Variants in RGS5 observed in about 807,000 individuals in gnomAD.
RGS5 encodes the protein regulator of G protein signaling 5.
A neutral mutation model predicts 18.9 loss-of-function variants in RGS5; 20 were observed. The ratio of observed to expected loss-of-function variants is 1.06; its 90% CI spans 0.74 to 1.54. RGS5 has a LOEUF of 1.54. RGS5 is among the 40% of genes most tolerant of loss of function. The pLI is 0.00. For missense variants in RGS5, 201 were observed against 211.8 expected, an observed-to-expected ratio of 0.95 and a Z score of 0.32; for synonymous variants, 57 against 76.2, an observed-to-expected ratio of 0.75 and a Z score of 1.31.
intron 1 of RGS5, among the ~76,000 whole-genome samples, chr1:163,317,698 T>G (rs1650064200): frequency 6.6e-6 from 1 of 152,216 alleles, no homozygotes; most frequent in African/African-American, 2.4e-5. Flanking sequence ...ATCTGGTCCC[T>G]GTTTACCTCT....
chr1:163,201,026 A>C (rs1162881456), intron 1 of RGS5, among the ~76,000 whole-genome samples: 2 of 152,216 alleles, frequency 1.3e-5, no homozygotes, highest in African/African-American at 4.8e-5. Flanking sequence ...TTCAACAGAA[A>C]TTTTATTGAT....
rs778961275 is a variant in RGS5, at chr1:163,172,575, C to A, written c.45-4207G>T. ...TAACATACCAGAACATCAGGTTACT[C>A]TTTTCCTCATATTTGCCCTGGAAAT... On this transcript the variant is annotated intron_variant, in intron 1 of 4. Transcript: ENST00000313961. 6 of 1,549,954 alleles carry A rather than the reference C, an allele frequency of 3.9e-6. No homozygotes were observed. In the South Asian group the frequency reaches 7.1e-5, roughly 18 times the overall value.
upstream of RGS5, among the ~76,000 whole-genome samples, chr1:163,204,309 C>CCACACACACACACACACACA (rs10616125): frequency 6.9e-6 from 1 of 145,002 alleles, no homozygotes; most frequent in African/African-American, 2.5e-5. Context: ...TGGCTCTAAA[C>CCACACACACACACACACACA]CACACACACA....
At chr1:163,197,890 T>C (rs2101656328) in intron 1 of RGS5, among the ~76,000 whole-genome samples, 1 of 152,296 alleles carries the variant, frequency 6.6e-6, no homozygotes, top group African/African-American at 2.4e-5. Flanking sequence ...TTCAAGCTAA[T>C]TGCCAGTCTT....
intron 2 of RGS5, chr1:163,304,763 T>C (rs1203611580): frequency 6.6e-6 from 1 of 152,222 alleles, no homozygotes; most frequent in African/African-American, 2.4e-5. Flanking sequence ...TCCCTAGATG[T>C]TTAATAGTCA....
intron 2 of RGS5, among the ~76,000 whole-genome samples, chr1:163,250,107 C>T (rs192270521): frequency 5.5e-4 from 84 of 152,260 alleles, no homozygotes; most frequent in Admixed American, 4.8e-3. Context: ...CACAAGGCCC[C>T]GAAGATGACC....
chr1:163,184,018 A>G (rs1013900506), intron 1 of RGS5, among the ~76,000 whole-genome samples: 12 of 152,146 alleles, frequency 7.9e-5, no homozygotes, highest in Non-Finnish European at 1.6e-4. Context: ...TTTCCTCCCA[A>G]TGAGCAATGC....
intron 2 of RGS5, among the ~76,000 whole-genome samples, chr1:163,245,785 T>C (rs1647913389): frequency 6.6e-6 from 1 of 152,238 alleles, no homozygotes; most frequent in Non-Finnish European, 1.5e-5. Flanking sequence ...ACTTGATCCA[T>C]TGTGTGTGCT....
chr1:163,195,778 C>T (rs1447229365), intron 1 of RGS5, among the ~76,000 whole-genome samples: 1 of 151,428 alleles, frequency 6.6e-6, no homozygotes, highest in East Asian at 1.9e-4. Context: ...TCCTTCACTG[C>T]CTACAAAGGG....
intron 2 of RGS5, among the ~76,000 whole-genome samples, chr1:163,237,043 A>C (rs1647640647): frequency 6.6e-6 from 1 of 152,218 alleles, no homozygotes; most frequent in Non-Finnish European, 1.5e-5. Flanking sequence ...TTGAAACCAC[A>C]ATGAGATGGT....
At chr1:163,173,908 T>C (rs775154455) in intron 1 of RGS5, among the ~76,000 whole-genome samples, 1 of 152,018 alleles carries the variant, frequency 6.6e-6, no homozygotes, top group Middle Eastern at 3.2e-3. Context: ...ACCCCATCTC[T>C]ACTGAAAATA....
intron 3 of RGS5, among the ~76,000 whole-genome samples, chr1:163,154,954 T>C (rs891507025): frequency 1.2e-4 from 4 of 34,228 alleles, no homozygotes; most frequent in Admixed American, 1.2e-3. Context: ...TAAAACTATG[T>C]ATATGTATAT....
chr1:163,259,174 CAG>C (rs1557922555), intron 2 of RGS5, among the ~76,000 whole-genome samples: 1 of 151,356 alleles, frequency 6.6e-6, no homozygotes, highest in Non-Finnish European at 1.5e-5. Flanking sequence ...TTTTTTAAGA[CAG>C]AGTCTCACTC....
At chr1:163,254,917 T>A (rs1307842050) in intron 2 of RGS5, among the ~76,000 whole-genome samples, 1 of 151,800 alleles carries the variant, frequency 6.6e-6, no homozygotes, top group Non-Finnish European at 1.5e-5. Flanking sequence ...CCTTTCCCCA[T>A]TGCTTGTTTT....
chr1:163,265,993 C>T (rs1194585039), intron 2 of RGS5, among the ~76,000 whole-genome samples: 1 of 152,110 alleles, frequency 6.6e-6, no homozygotes, highest in African/African-American at 2.4e-5. Context: ...TATACTTGTC[C>T]CTGTGCCCTA....
At chr1:163,184,579 A>T (rs4132246) in intron 1 of RGS5, among the ~76,000 whole-genome samples, 1 of 152,078 alleles carries the variant, frequency 6.6e-6, no homozygotes, top group Non-Finnish European at 1.5e-5. Context: ...TGCAGAAGTG[A>T]TAAGTTAAGG....
At chr1:163,200,837 T>C (rs1398253339) in intron 1 of RGS5, among the ~76,000 whole-genome samples, 2 of 152,162 alleles carry the variant, frequency 1.3e-5, no homozygotes, top group Non-Finnish European at 2.9e-5. Context: ...AGTTATATCC[T>C]GGTGCATAAG....
intron 1 of RGS5, chr1:163,321,252 A>G (rs901674624): frequency 6.6e-6 from 1 of 152,250 alleles, no homozygotes; most frequent in African/African-American, 2.4e-5. Flanking sequence ...TTTCTACTTT[A>G]CAGTCCCACT....
In RGS5 at chr1:163,146,327, A is replaced by G. The variant is rs1434585602; in HGVS notation, c.*1015T>C. The G allele has an allele frequency of 6.6e-6, 1 of 151,162 alleles. No homozygotes were observed. The highest frequency in any genetic ancestry group is 1.5e-5 in the Non-Finnish European group (1 of 67,892). The allele number at this position is 151,162 out of a possible 1,614,324, so 9.4% of individuals were successfully genotyped here. A position where few individuals can be genotyped will look rare whatever the true frequency, so the allele number is the denominator to read the frequency against. ...TACCTGTAATCACATTAATTTTTCTAAAGACAATTTGGTGTTTTGAAGATA... is the reference window on the plus strand; with the variant it reads ...TACCTGTAATCACATTAATTTTTCTGAAGACAATTTGGTGTTTTGAAGATA... On this transcript the variant is annotated 3_prime_UTR_variant, in exon 5 of 5. Coordinates refer to ENST00000313961, the MANE Select transcript of RGS5 (RefSeq NM_003617.4).
Sources: allele counts gnomAD v4.1 joint callset (sites outside exome capture counted in the v4.1 genomes callset), GRCh38; gene constraint gnomAD v4.1.1; transcripts MANE v1.5; gene names NCBI Gene and HGNC (gene_info 2026-07-23, HGNC 2026-07-21).